The following CCDC3 variants were observed in gnomAD, a reference collection of about 807,000 sequenced individuals.
The protein encoded by CCDC3 is coiled-coil domain containing 3, also known as coiled-coil domain-containing protein 3.
In CCDC3, 24 loss-of-function variants were observed where a neutral mutation model predicts 21.4. The ratio of observed to expected loss-of-function variants is 1.12; its 90% confidence interval spans 0.81 to 1.58. CCDC3 has a LOEUF of 1.58. Among genes scored for constraint, CCDC3 ranks in the 40% most tolerant of loss-of-function variants. The pLI is 0.00. For synonymous variants in CCDC3, 186 were observed against 166.0 expected, an observed-to-expected ratio of 1.12 and a Z score of -0.93; for missense variants, 425 against 360.9, an observed-to-expected ratio of 1.18 and a Z score of -1.44.
intron 2 of CCDC3, among the ~76,000 whole-genome samples, chr10:12,933,905 C>T (rs1834693234): frequency 6.6e-6 from 1 of 151,962 alleles, no homozygotes; most frequent in Non-Finnish European, 1.5e-5. Context: ...AAAGAATCAG[C>T]TCTTTTGATT....
intron 4 of CCDC3, among the ~76,000 whole-genome samples, chr10:13,065,030 T>A (rs1836806355): frequency 6.6e-6 from 1 of 152,166 alleles, no homozygotes; most frequent in Admixed American, 6.5e-5. Context: ...ACTTTCCTCT[T>A]TAGCTTAGTG....
chr10:12,965,545 C>T (rs903081235), intron 2 of CCDC3, among the ~76,000 whole-genome samples: 4 of 152,108 alleles, frequency 2.6e-5, no homozygotes, highest in African/African-American at 4.8e-5. Context: ...TTTGAGTGTA[C>T]GTAAGAGAGA....
At chr10:12,960,504 T>C (rs1835165024) in intron 2 of CCDC3, among the ~76,000 whole-genome samples, 1 of 152,182 alleles carries the variant, frequency 6.6e-6, no homozygotes, top group African/African-American at 2.4e-5. Context: ...GGGAGATTTA[T>C]AAGGTGACAT....
At chr10:13,035,423 C>A (rs1411585890) in intron 5 of CCDC3, among the ~76,000 whole-genome samples, 1 of 152,096 alleles carries the variant, frequency 6.6e-6, no homozygotes, top group African/African-American at 2.4e-5. Context: ...GAAGATAAGT[C>A]TCAACTTGGT....
chr10:13,072,340 T>C (rs10796011), intron 4 of CCDC3, among the ~76,000 whole-genome samples: 128,399 of 152,154 alleles, frequency 0.84, 54,249 homozygotes, highest in Admixed American at 0.87. Context: ...AAGCAGTTAA[T>C]TTTGGTCATC....
At chr10:13,085,885 T>G (rs1837096706) in intron 3 of CCDC3, among the ~76,000 whole-genome samples, 1 of 151,824 alleles carries the variant, frequency 6.6e-6, no homozygotes, top group African/African-American at 2.4e-5. Flanking sequence ...GAGAATCACT[T>G]GAATCCGGGA....
chr10:13,074,538 A>C (rs1193369872), intron 3 of CCDC3, among the ~76,000 whole-genome samples: 2 of 151,488 alleles, frequency 1.3e-5, no homozygotes, highest in African/African-American at 4.9e-5. Context: ...CCAAGGTCCC[A>C]GCTCTCATGC....
chr10:13,064,152 C>G (rs1188509290), intron 4 of CCDC3, among the ~76,000 whole-genome samples: 1 of 152,116 alleles, frequency 6.6e-6, no homozygotes, highest in African/African-American at 2.4e-5. Flanking sequence ...TCTCGATCTC[C>G]TGACCTCGTG....
At chr10:12,997,316 C>T (rs1428346557) in intron 2 of CCDC3, among the ~76,000 whole-genome samples, 1 of 152,100 alleles carries the variant, frequency 6.6e-6, no homozygotes, top group Non-Finnish European at 1.5e-5. Flanking sequence ...TGTCACATTG[C>T]CCTAAAAATG....
chr10:12,924,986 G>C (rs774681206), intron 2 of CCDC3, among the ~76,000 whole-genome samples: 2 of 152,192 alleles, frequency 1.3e-5, no homozygotes, highest in African/African-American at 4.8e-5. Context: ...TGAGCAGCCC[G>C]TGTGGACACC....
At chr10:12,977,304 G>GAAA (rs1835431497) in intron 2 of CCDC3, among the ~76,000 whole-genome samples, 1 of 151,280 alleles carries the variant, frequency 6.6e-6, no homozygotes, top group Non-Finnish European at 1.5e-5. Context: ...GAAAGGAAAG[G>GAAA]GGAAAGGAAA....
Position 12,901,344 on chromosome 10 carries a change from C to T in CCDC3, c.550-2665G>A, listed in dbSNP as rs185512851. ...AGTGCAGTGGCGTGATCTTGGCTCA[C>T]TGCAATCCTCCACCTCACGGGTTCA... On this transcript the variant is annotated intron_variant, in intron 2 of 2. Coordinates refer to ENST00000378825, the MANE Select transcript of CCDC3 (RefSeq NM_031455.4). 4.8e-3 allele frequency among the ~76,000 whole-genome samples: 737 copies of T among 152,270 alleles called. 2 individuals carry two copies. Among genetic ancestry groups the T allele is most frequent in the African/African-American group, 0.017 (709 of 41,538 alleles).
chr10:13,001,382 G>C lies in CCDC3; in HGVS notation c.189C>G (p.Pro63=). Residue 63 remains proline, a synonymous_variant, in exon 1 of 3, where the codon CCC becomes CCG. Coordinates refer to ENST00000378825, the MANE Select transcript of CCDC3 (RefSeq NM_031455.4). ...CCCCCTGGCCGGCGTGGTACTGCCAGGGCAGGTGGTTGTAGAGGCCGGGCG... is the reference window on the plus strand; with the variant it reads ...CCCCCTGGCCGGCGTGGTACTGCCACGGCAGGTGGTTGTAGAGGCCGGGCG... ...PEAPGLYNHL[P]WQYHAGQGGL... 1 of 1,588,790 alleles carries C rather than the reference G, an allele frequency of 6.3e-7. No individual in the cohort carries two copies. The highest frequency in any genetic ancestry group is 8.6e-7 in the Non-Finnish European group (1 of 1,168,750).
chr10:12,923,817 T>G (rs1161843056), intron 2 of CCDC3, among the ~76,000 whole-genome samples: 2 of 152,204 alleles, frequency 1.3e-5, no homozygotes, highest in Non-Finnish European at 2.9e-5. Context: ...AAGTCAATAG[T>G]GCTATTCTGA....
intron 4 of CCDC3, chr10:13,058,353 T>C: frequency 8.8e-7 from 1 of 1,134,426 alleles, no homozygotes; most frequent in East Asian, 2.3e-5. Context: ...CTACTGAGAA[T>C]CCTGTGGGTC....
At chr10:12,970,406 G>C (rs1343461751) in intron 2 of CCDC3, among the ~76,000 whole-genome samples, 2 of 152,104 alleles carry the variant, frequency 1.3e-5, no homozygotes, top group African/African-American at 2.4e-5. Flanking sequence ...TACATCTGTA[G>C]TATGTATTGG....
intron 2 of CCDC3, among the ~76,000 whole-genome samples, chr10:12,899,753 T>C (rs1834064559): frequency 6.6e-6 from 1 of 151,988 alleles, no homozygotes; most frequent in African/African-American, 2.4e-5. Context: ...CGTTTAAATA[T>C]GCATACACTA....
chr10:13,024,224 T>C (rs1836186723), intron 5 of CCDC3, among the ~76,000 whole-genome samples: 1 of 150,942 alleles, frequency 6.6e-6, no homozygotes, highest in Non-Finnish European at 1.5e-5. Flanking sequence ...TCTCTTTCCT[T>C]AGTTTTTTTT....
At chr10:13,052,217 T>A (rs569930217) in intron 4 of CCDC3, among the ~76,000 whole-genome samples, 51 of 152,028 alleles carry the variant, frequency 3.4e-4, no homozygotes, top group South Asian at 2.3e-3. Flanking sequence ...CTACAAAAAA[T>A]TTAAAATTTA....
Sources: gnomAD v4.1 joint callset for allele counts (sites outside exome capture counted in the v4.1 genomes callset) on GRCh38, gnomAD v4.1.1 for gene constraint, MANE v1.5 for transcripts, NCBI Gene and HGNC (gene_info 2026-07-23, HGNC 2026-07-21) for gene names.